The following FAM227B variants were observed in gnomAD, a reference collection of about 807,000 sequenced individuals.
The protein encoded by FAM227B is protein FAM227B.
A neutral mutation model predicts 73.8 loss-of-function variants in FAM227B; 88 were observed. The ratio of observed to expected loss-of-function variants is 1.19; its 90% CI spans 1.00 to 1.42. FAM227B has a LOEUF of 1.42. Among genes scored for constraint, FAM227B ranks in the 40% most tolerant of loss-of-function variants. The pLI, the probability that FAM227B is intolerant of heterozygous loss-of-function variation, is 0.00. For synonymous variants in FAM227B, 210 were observed against 190.5 expected (o/e 1.10, Z -0.84); for missense variants, 632 against 590.9 (o/e 1.07, Z -0.72).
intron 11 of FAM227B, among the ~76,000 whole-genome samples, chr15:49,503,179 A>T (rs2058289785): frequency 6.6e-6 from 1 of 152,192 alleles, no homozygotes; most frequent in African/African-American, 2.4e-5. Flanking sequence ...TGGGGGAAGG[A>T]TTCCCTGTTT....
intron 13 of FAM227B, chr15:49,365,505 G>C (rs1358101638): frequency 2.3e-6 from 2 of 855,058 alleles, no homozygotes; most frequent in East Asian, 4.8e-5. Context: ...CTGAGAAACA[G>C]ATCAGCTTTG....
chr15:49,387,801 T>G (rs1198350570), intron 11 of FAM227B, among the ~76,000 whole-genome samples: 1 of 151,716 alleles, frequency 6.6e-6, no homozygotes, highest in Non-Finnish European at 1.5e-5. Context: ...TCAAAGTCAA[T>G]GTACAACAAT....
chr15:49,552,456 A>C, intron 9 of FAM227B, among the ~76,000 whole-genome samples: 1 of 152,092 alleles, frequency 6.6e-6, no homozygotes, highest in Non-Finnish European at 1.5e-5. Context: ...AAACATCTTA[A>C]GTAATCTTTG....
At chr15:49,394,065 G>A (rs916505508) in intron 11 of FAM227B, among the ~76,000 whole-genome samples, 1 of 152,180 alleles carries the variant, frequency 6.6e-6, no homozygotes, top group South Asian at 2.1e-4. Context: ...AACATCACAG[G>A]TATTGGTGAT....
intron 11 of FAM227B, among the ~76,000 whole-genome samples, chr15:49,473,616 C>A (rs2054986502): frequency 6.6e-6 from 1 of 151,954 alleles, no homozygotes; most frequent in African/African-American, 2.4e-5. Context: ...TGACTCTCTA[C>A]CCCAGCAATA....
intron 9 of FAM227B, among the ~76,000 whole-genome samples, chr15:49,545,589 C>T (rs1007342483): frequency 6.6e-6 from 1 of 151,982 alleles, no homozygotes. Flanking sequence ...CTTAGATTGT[C>T]TATTTGTGCT....
At chr15:49,491,618 G>C (rs189836391) in intron 11 of FAM227B, among the ~76,000 whole-genome samples, 4 of 151,838 alleles carry the variant, frequency 2.6e-5, no homozygotes, top group Admixed American at 2.6e-4. Flanking sequence ...CAAGTTTAAT[G>C]AGCTATTCCC....
chr15:49,504,483 G>A (rs1388323922), intron 11 of FAM227B, among the ~76,000 whole-genome samples: 1 of 152,066 alleles, frequency 6.6e-6, no homozygotes, highest in Admixed American at 6.6e-5. Flanking sequence ...CAAAGTGTGT[G>A]GAACTAGCAC....
At chr15:49,493,407 T>C (rs576595626) in intron 11 of FAM227B, among the ~76,000 whole-genome samples, 2 of 152,118 alleles carry the variant, frequency 1.3e-5, no homozygotes, top group South Asian at 4.1e-4. Context: ...ATTGTTCTCA[T>C]GTCATTTTGT....
chr15:49,570,680 AC>A, intron 8 of FAM227B, among the ~76,000 whole-genome samples: 2 of 151,216 alleles, frequency 1.3e-5, no homozygotes, highest in South Asian at 4.2e-4. Flanking sequence ...TATGAGATTG[AC>A]TTTTTTAAAT....
chr15:49,507,813 A>G (rs1286382013), intron 11 of FAM227B, among the ~76,000 whole-genome samples: 1 of 152,116 alleles, frequency 6.6e-6, no homozygotes, highest in Non-Finnish European at 1.5e-5. Flanking sequence ...AATACTAGAA[A>G]AATACAGGTA....
rs1471695145 is a variant in FAM227B at position 49,502,871 on chromosome 15, A to G, written c.1012+5340T>C. Among the ~76,000 whole-genome samples, 3 of 152,174 alleles carry G rather than the reference A, an allele frequency of 2.0e-5. No homozygotes were observed. In the East Asian group the frequency reaches 5.8e-4, roughly 29 times the overall value. The stretch of plus-strand genomic sequence containing the variant: ...GATCATGAAGGCAGAGCCCTCATGA[A>G]TGACTTGGGACATCCCCTTGGTGAT... On this transcript the variant is annotated intron_variant, in intron 11 of 15. Transcript: ENST00000299338.
At chr15:49,617,803 T>TGA (rs1309342026) in intron 1 of FAM227B, among the ~76,000 whole-genome samples, 1 of 150,580 alleles carries the variant, frequency 6.6e-6, no homozygotes, top group Non-Finnish European at 1.5e-5. Flanking sequence ...TGTGTGTGTG[T>TGA]GTGACAGAGT....
At chr15:49,499,371 A>C (rs2057945240) in intron 11 of FAM227B, among the ~76,000 whole-genome samples, 1 of 152,082 alleles carries the variant, frequency 6.6e-6, no homozygotes, top group African/African-American at 2.4e-5. Context: ...TGTATAGTAA[A>C]AACTAGAAAA....
intron 11 of FAM227B, among the ~76,000 whole-genome samples, chr15:49,440,051 T>C (rs1014333073): frequency 3.3e-5 from 5 of 151,748 alleles, no homozygotes; most frequent in African/African-American, 1.2e-4. Context: ...TCTAGTCTAT[T>C]ATGCTTATTT....
At chr15:49,391,091 T>A (rs2047185145) in intron 11 of FAM227B, among the ~76,000 whole-genome samples, 1 of 152,138 alleles carries the variant, frequency 6.6e-6, no homozygotes, top group African/African-American at 2.4e-5. Flanking sequence ...AAAATTTAAT[T>A]TATATTCAAA....
chr15:49,605,417 G>C (rs34737835), intron 3 of FAM227B, among the ~76,000 whole-genome samples: 16,399 of 152,264 alleles, frequency 0.11, 1,248 homozygotes, highest in East Asian at 0.36. Context: ...ATGTTGACCT[G>C]GCACAGCAGT....
intron 11 of FAM227B, among the ~76,000 whole-genome samples, chr15:49,423,734 T>C (rs374134547): frequency 6.6e-6 from 1 of 152,252 alleles, no homozygotes; most frequent in East Asian, 1.9e-4. Flanking sequence ...TAGCAGTAAT[T>C]GTAAAAACTT....
At chr15:49,466,270 T>C (rs2054258733) in intron 11 of FAM227B, among the ~76,000 whole-genome samples, 1 of 152,176 alleles carries the variant, frequency 6.6e-6, no homozygotes. Context: ...GTTCATCTTG[T>C]GATTCCATGC....
Sources: allele counts gnomAD v4.1 joint callset (sites outside exome capture counted in the v4.1 genomes callset), GRCh38; gene constraint gnomAD v4.1.1; transcripts MANE v1.5; gene names NCBI Gene and HGNC (gene_info 2026-07-23, HGNC 2026-07-21).